Variants in ADGRE2 observed in about 807,000 individuals in gnomAD.
ADGRE2 encodes the protein adhesion G protein-coupled receptor E2, also known as CD97 antigen.
A neutral mutation model predicts 100.8 loss-of-function variants in ADGRE2; 83 were observed. The ratio of observed to expected loss-of-function variants is 0.82; its 90% CI spans 0.69 to 0.99. ADGRE2 has a LOEUF of 0.99. Ranked by LOEUF, ADGRE2 falls within the 50% of genes least tolerant of loss-of-function variation. ADGRE2 has a pLI of 0.00. For missense variants in ADGRE2, 814 were observed against 1,035.7 expected, an observed-to-expected ratio of 0.79 and a Z score of 2.94; for synonymous variants, 355 against 413.0, an observed-to-expected ratio of 0.86 and a Z score of 1.70.
At chr19:14,745,200 A>G (rs112444215) in intron 18 of ADGRE2, among the ~76,000 whole-genome samples, 14,785 of 152,116 alleles carry the variant, frequency 0.097, 2,457 homozygotes, top group African/African-American at 0.34. Context: ...ATGAGCCACC[A>G]TGCCCGGCCT....
At chr19:14,763,701 TCTC>T (rs1418911096) in intron 11 of ADGRE2, among the ~76,000 whole-genome samples, 4 of 72,148 alleles carry the variant, frequency 5.5e-5, no homozygotes, top group African/African-American at 1.7e-4. Flanking sequence ...CTCTTCTCCT[TCTC>T]CTCCTCCTAT....
In ADGRE2 at chr19:14,736,105, C is replaced by T. The variant is rs570218182; in HGVS notation, c.*131G>A. On this transcript the variant is annotated 3_prime_UTR_variant, in exon 21 of 21. Coordinates refer to ENST00000315576, the MANE Select transcript of ADGRE2 (RefSeq NM_013447.4). Reference sequence around the variant, plus strand: ...ATGCCTAGCACGCCTTCCATAACATCCTTCATATTGCTGACATGGTGAATT... The same window carrying T: ...ATGCCTAGCACGCCTTCCATAACATTCTTCATATTGCTGACATGGTGAATT... The T allele has an allele frequency of 3.1e-5, 26 of 835,900 alleles. No individual in the cohort carries two copies. The African/African-American group carries it at 4.3e-4, about 14-fold the overall frequency. The allele number at this position is 835,900 out of a possible 1,614,324, so 51.8% of individuals were successfully genotyped here.
chr19:14,734,953 C>T lies in ADGRE2; in HGVS notation c.*1283G>A, dbSNP rs765600122. On this transcript the variant is annotated 3_prime_UTR_variant, in exon 21 of 21. Transcript: ENST00000315576. ...ATGAGCTTTGGCTGACACTATGTTG[C>T]CTGCTTTTTACTGTACACATGGCTG... 1.3e-5 allele frequency: 2 copies of T among 152,218 alleles called. No individual in the cohort carries two copies. Among genetic ancestry groups the T allele is most frequent in the Non-Finnish European group, 2.9e-5 (2 of 68,110 alleles). The allele number at this position is 152,218 out of a possible 1,614,324, so 9.4% of individuals were successfully genotyped here.
At chr19:14,759,488 C>CATATATATATATATATATATATATATAT (rs147074153) in intron 11 of ADGRE2, among the ~76,000 whole-genome samples, 2 of 133,574 alleles carry the variant, frequency 1.5e-5, no homozygotes, top group African/African-American at 6.2e-5. Context: ...ATAAGTTATA[C>CATATATATATATATATATATATATATAT]ATATATATAT....
chr19:14,736,331 G>C (rs938475611), intron 20 of ADGRE2, 87 bp from the exon 21 acceptor site: 1 of 847,542 alleles, frequency 1.2e-6, no homozygotes. Context: ...GCGCAGCCTC[G>C]ACTCACTGTA....
intron 6 of ADGRE2, among the ~76,000 whole-genome samples, 185 bp from the exon 7 acceptor site, chr19:14,766,566 C>T (rs1034566779): frequency 6.6e-6 from 1 of 152,168 alleles, no homozygotes; most frequent in Non-Finnish European, 1.5e-5. Flanking sequence ...ACCAGATGGG[C>T]ACAGCAGGGA....
intron 16 of ADGRE2, 30 bp downstream of exon 16, chr19:14,751,406 A>G (rs2043279157): frequency 6.5e-7 from 1 of 1,529,196 alleles, no homozygotes; most frequent in South Asian, 1.1e-5. Context: ...TATGCCGGAG[A>G]AGATAAGGAT....
rs1166205847 is a variant in ADGRE2 at position 14,746,342 on chromosome 19, G to A, written c.2092-19C>T. The A allele has an allele frequency of 7.5e-7, 1 of 1,339,816 alleles. No individual in the cohort carries two copies. Among genetic ancestry groups the A allele is most frequent in the Non-Finnish European group, 1.1e-6 (1 of 950,472 alleles). 83.0% of individuals were successfully genotyped at this position (1,339,816 alleles called of 1,614,324 possible). On this transcript the variant is annotated intron_variant, in intron 17 of 20. Transcript: ENST00000315576. The stretch of plus-strand genomic sequence containing the variant: ...AATTCACCTTCAGAAAACCACAGAA[G>A]ATTTGTTGAATAGATTTTGAAACCT...
At chr19:14,748,264 A>C (rs4513222) in intron 16 of ADGRE2, among the ~76,000 whole-genome samples, 1 of 152,178 alleles carries the variant, frequency 6.6e-6, no homozygotes, top group African/African-American at 2.4e-5. Context: ...ATTCACTTAG[A>C]ATAATGGCCT....
intron 13 of ADGRE2, 66 bp downstream of exon 13, chr19:14,755,588 G>T: frequency 7.0e-7 from 1 of 1,428,070 alleles, no homozygotes; most frequent in South Asian, 1.2e-5. Flanking sequence ...CCAGGGCTGA[G>T]CTGAGCAGCA....
Position 14,764,644 on chromosome 19 carries a change from T to C in ADGRE2, c.907-34A>G, listed in dbSNP as rs765753053. The stretch of plus-strand genomic sequence containing the variant: ...ATGTGGACACAGACCTAGTGAGCCA[T>C]GGGCCAGAGGGCCCGCATGAAGACT... On this transcript the variant is annotated intron_variant, in intron 10 of 20. Transcript: ENST00000315576. The C allele has an allele frequency of 2.5e-6, 4 of 1,587,380 alleles. No homozygotes were observed. The Admixed American group carries it at 5.3e-5, about 21-fold the overall frequency.
chr19:14,758,407 A>G (rs1423390408), intron 11 of ADGRE2, among the ~76,000 whole-genome samples: 1 of 152,242 alleles, frequency 6.6e-6, no homozygotes, highest in African/African-American at 2.4e-5. Context: ...GTGAGCAAAC[A>G]CATGAAAAGA....
chr19:14,766,054 C>A, intron 7 of ADGRE2, 181 bp downstream of exon 7: 2 of 1,322,034 alleles, frequency 1.5e-6, no homozygotes, highest in South Asian at 1.4e-5. Context: ...TGAGCCTCCC[C>A]CCTCAGTACC....
intron 11 of ADGRE2, among the ~76,000 whole-genome samples, chr19:14,759,091 A>G (rs2043607951): frequency 6.6e-6 from 1 of 152,096 alleles, no homozygotes; most frequent in Non-Finnish European, 1.5e-5. Context: ...GCCCCAGCCT[A>G]ATCTTTTATT....
At chr19:14,737,976 C>CA (rs1313610745) in intron 20 of ADGRE2, among the ~76,000 whole-genome samples, 9,734 of 102,160 alleles carry the variant, frequency 0.095, 1,133 homozygotes, top group African/African-American at 0.3. Context: ...AACTCCCTCT[C>CA]AAAAAAAAAA....
At chr19:14,746,179 G>A in intron 18 of ADGRE2, 53 bp downstream of exon 18, 1 of 1,111,594 alleles carries the variant, frequency 9.0e-7, no homozygotes, top group Admixed American at 2.0e-5. Context: ...ACATGGCTTG[G>A]CTCTTGGGAA....
chr19:14,763,142 G>T (rs111399384), intron 11 of ADGRE2, among the ~76,000 whole-genome samples: 1,692 of 152,192 alleles, frequency 0.011, 36 homozygotes, highest in African/African-American at 0.038. Flanking sequence ...GAGATCGAGA[G>T]ACCATCCTGG....
At chr19:14,766,548 G>T (rs888647197) in intron 6 of ADGRE2, among the ~76,000 whole-genome samples, 167 bp from the exon 7 acceptor site, 5 of 152,126 alleles carry the variant, frequency 3.3e-5, no homozygotes, top group African/African-American at 9.7e-5. Context: ...TCTTATGATG[G>T]TCTTCCTACC....
At chr19:14,736,322 C>A in intron 20 of ADGRE2, 78 bp from the exon 21 acceptor site, 1 of 951,392 alleles carries the variant, frequency 1.1e-6, no homozygotes. Context: ...AGTGCAATGG[C>A]GCAGCCTCGA....
Sources: gnomAD v4.1 joint callset for allele counts (sites outside exome capture counted in the v4.1 genomes callset) on GRCh38, gnomAD v4.1.1 for gene constraint, MANE v1.5 for transcripts, NCBI Gene and HGNC (gene_info 2026-07-23, HGNC 2026-07-21) for gene names.